The following PNPO variants were observed in gnomAD, a reference collection of about 807,000 sequenced individuals.
PNPO encodes the protein pyridoxamine 5'-phosphate oxidase.
A neutral mutation model predicts 35.0 loss-of-function variants in PNPO; 39 were observed. The observed-to-expected ratio is 1.11, with a 90% confidence interval of 0.86 to 1.45. PNPO has a LOEUF of 1.45. Ranked by LOEUF, PNPO falls within the 40% of genes most tolerant of loss-of-function variation. PNPO has a pLI of 0.00. For synonymous variants in PNPO, 115 were observed against 119.8 expected (o/e 0.96, Z 0.26); for missense variants, 288 against 340.0 (o/e 0.85, Z 1.20).
In PNPO at chr17:47,946,915, C is replaced by T; in HGVS notation, c.*133C>T. The stretch of plus-strand genomic sequence containing the variant: ...CCCTTATCTTCAGGACTCTTCAGAG[C>T]TAATCCTCTAAGTTCTCTGTACTCA... On this transcript the variant is annotated 3_prime_UTR_variant, in exon 7 of 7. Transcript: ENST00000642017. The T allele has an allele frequency of 1.3e-6, 1 of 766,234 alleles. No homozygotes were observed. Among genetic ancestry groups the T allele is most frequent in the Non-Finnish European group, 2.2e-6 (1 of 458,274 alleles). The allele number at this position is 766,234 out of a possible 1,614,324, so 47.5% of individuals were successfully genotyped here.
rs773450573 is a variant in PNPO, at chr17:47,946,682, G to A, written c.686G>A (p.Arg229Gln). ...WQGQTNRLHDRIVFRRGLPTG... is the reference protein window; with the variant it reads ...WQGQTNRLHDQIVFRRGLPTG... The stretch of plus-strand genomic sequence containing the variant: ...GGTCAAACCAACCGCCTGCATGACC[G>A]GATAGTCTTTCGGCGGGGCCTACCC... The change falls in exon 7 of 7, where the codon CGG (arginine) becomes CAG (glutamine). Residue 229 changes from arginine to glutamine, a missense_variant. Arg to Gln is a conservative substitution (Grantham distance 43, BLOSUM62 1). Coordinates refer to ENST00000642017, the MANE Select transcript of PNPO (RefSeq NM_018129.4). 1.6e-5 allele frequency: 26 copies of A among 1,614,078 alleles called. No individual in the cohort carries two copies. The highest frequency in any genetic ancestry group is 1.6e-4 in the Middle Eastern group (1 of 6,084).
Position 47,944,698 on chromosome 17 carries a change from C to G in PNPO, c.346C>G (p.Arg116Gly). The G allele has an allele frequency of 1.2e-6, 2 of 1,613,876 alleles. No homozygotes were observed. Among genetic ancestry groups the G allele is most frequent in the Non-Finnish European group, 8.5e-7 (1 of 1,179,794 alleles). The part of the protein sequence containing the change: ...GFRFFTNFES[R>G]KGKELDSNPF... Reference sequence around the variant, plus strand: ...CCGCTTCTTCACTAACTTCGAGAGTCGAAAAGGAAAAGAGCTGGTGGGTGA... The same window carrying G: ...CCGCTTCTTCACTAACTTCGAGAGTGGAAAAGGAAAAGAGCTGGTGGGTGA... The change falls in exon 3 of 7, where the codon CGA (arginine) becomes GGA (glycine). Residue 116 changes from arginine (R) to glycine (G), a missense_variant. By Grantham distance (125) the Arg-to-Gly change is moderately radical (BLOSUM62 -2). Coordinates refer to ENST00000642017, the MANE Select transcript of PNPO (RefSeq NM_018129.4).
At chr17:47,946,029 C>T (rs201956072) in intron 5 of PNPO, 40 bp downstream of exon 5, 1 of 1,610,496 alleles carries the variant, frequency 6.2e-7, no homozygotes, top group East Asian at 2.2e-5. Flanking sequence ...GTGGTGGAGG[C>T]TTTGGCTTAT....
In PNPO at chr17:47,945,035, CTTTT is replaced by C. The variant is rs2035990310; in HGVS notation, c.363+323_363+326del. 1 of 435,408 alleles carries C rather than the reference CTTTT, an allele frequency of 2.3e-6. No homozygotes were observed. The highest frequency in any genetic ancestry group is 3.5e-5 in the Admixed American group (1 of 28,672). The allele number at this position is 435,408 out of a possible 1,614,324, so 27.0% of individuals were successfully genotyped here. A position where few individuals can be genotyped will look rare whatever the true frequency, so the allele number is the denominator to read the frequency against. ...TGCTGCCATTATAACTTGCAACTTT[CTTTT>C]TTGTCTTCTTCTTCAGTTTGTAACT... is the stretch of plus-strand genomic sequence containing the variant. On this transcript the variant is annotated intron_variant, in intron 3 of 6. Coordinates refer to ENST00000642017, the MANE Select transcript of PNPO (RefSeq NM_018129.4). This position sits in a 1 kb window ranked among gnomAD's most constrained non-coding sequence, Gnocchi z 4.0.
Position 47,945,643 on chromosome 17 carries a change from T to A in PNPO, c.417+31T>A. On this transcript the variant is annotated intron_variant, in intron 4 of 6. Transcript: ENST00000642017. The surrounding 1 kb of genome is among the most constrained non-coding windows in gnomAD (Gnocchi z 4.0). The stretch of plus-strand genomic sequence containing the variant: ...TGAATTTTCCCAGGACAGCCTGGGA[T>A]GGGCTGGGTTGGCAGGGCCTGAGTT... The A allele has an allele frequency of 6.3e-7, 1 of 1,576,134 alleles. No homozygotes were observed. Among genetic ancestry groups the A allele is most frequent in the Middle Eastern group, 1.7e-4 (1 of 5,994 alleles).
chr17:47,947,239 T>C lies in PNPO; in HGVS notation c.*457T>C, dbSNP rs1796680410. On this transcript the variant is annotated 3_prime_UTR_variant, in exon 7 of 7. Transcript: ENST00000642017. ...ATTTGAACTGGAGAGATCCAGAACCTTGGGAGTCATTAAAGCCAAGTCATT... is the reference window on the plus strand; with the variant it reads ...ATTTGAACTGGAGAGATCCAGAACCCTGGGAGTCATTAAAGCCAAGTCATT... 1 of 174,126 alleles carries C rather than the reference T, an allele frequency of 5.7e-6. No homozygotes were observed. The highest frequency in any genetic ancestry group is 2.4e-5 in the African/African-American group (1 of 41,984). 10.8% of individuals were successfully genotyped at this position (174,126 alleles called of 1,614,324 possible).
In PNPO at chr17:47,941,818, CG is replaced by C; in HGVS notation, c.138+6del. 1 of 1,563,484 alleles carries C rather than the reference CG, an allele frequency of 6.4e-7. No homozygotes were observed. On this transcript the variant is annotated splice_donor_region_variant and intron_variant, in intron 1 of 6. Coordinates refer to ENST00000642017, the MANE Select transcript of PNPO (RefSeq NM_018129.4). ...AGTTACCGCGGGGACCGAGAGGTGC[CG>C]CCGCTAGGGCCAGGCCTCCTGCAGG...
At position 47,945,599 on chromosome 17, in the gene PNPO, C is replaced by A. The variant is rs1567713616; in HGVS notation, c.404C>A (p.Pro135Gln). The A allele has an allele frequency of 1.2e-6, 2 of 1,613,256 alleles. No individual in the cohort carries two copies. Among genetic ancestry groups the A allele is most frequent in the East Asian group, 4.5e-5 (2 of 44,874 alleles). ...GCTTCCCTTGTCTTCTACTGGGAGCCACTTAACCGTCAGGTGAGTGAATTT... is the reference window on the plus strand; with the variant it reads ...GCTTCCCTTGTCTTCTACTGGGAGCAACTTAACCGTCAGGTGAGTGAATTT... Reference protein sequence around the residue: ...PFASLVFYWEPLNRQVRVEGP... With the variant: ...PFASLVFYWEQLNRQVRVEGP... Residue 135 changes from proline (P) to glutamine (Q), a missense_variant, in exon 4 of 7, where the codon CCA becomes CAA. Transcript: ENST00000642017. This position sits in a 1 kb window ranked among gnomAD's most constrained non-coding sequence, Gnocchi z 4.0.
chr17:47,944,533 G>T, intron 2 of PNPO, 83 bp from the exon 3 acceptor site: 1 of 1,059,564 alleles, frequency 9.4e-7, no homozygotes, highest in South Asian at 1.3e-5. Flanking sequence ...TGGAGGGGGT[G>T]CTGAGACATC....
At chr17:47,943,912 A>C (rs1231844680) in intron 2 of PNPO, among the ~76,000 whole-genome samples, 1 of 152,216 alleles carries the variant, frequency 6.6e-6, no homozygotes, top group Non-Finnish European at 1.5e-5. Context: ...GCGAGTGGAT[A>C]TCTCCCAGAG....
rs7219707 is a variant in PNPO, at chr17:47,947,393, C to T, written c.*611C>T. 0.019 allele frequency: 2,869 copies of T among 151,854 alleles called. 94 individuals carry two copies. Among genetic ancestry groups the T allele is most frequent in the African/African-American group, 0.064 (2,648 of 41,124 alleles). The allele number at this position is 151,854 out of a possible 1,614,324, so 9.4% of individuals were successfully genotyped here. On this transcript the variant is annotated 3_prime_UTR_variant, in exon 7 of 7. Coordinates refer to ENST00000642017, the MANE Select transcript of PNPO (RefSeq NM_018129.4). ...TGCAGTTCCTCCCCCTGCCTTAAAA[C>T]ACCCCACTATCTCTGTAAAGTCTCT...
At position 47,941,587 on chromosome 17, in the gene PNPO, G is replaced by A. The variant is rs2035933915; in HGVS notation, c.-89G>A. 1 of 1,420,312 alleles carries A rather than the reference G, an allele frequency of 7.0e-7. No homozygotes were observed. The highest frequency in any genetic ancestry group is 9.3e-7 in the Non-Finnish European group (1 of 1,079,546). 88.0% of individuals were successfully genotyped at this position (1,420,312 alleles called of 1,614,324 possible). A position where few individuals can be genotyped will look rare whatever the true frequency, so the allele number is the denominator to read the frequency against. ...GCGACTGGCAAATCCTTCCTTCCCC[G>A]GGGTAGAAGTCCAGGGTGAGAAATT... On this transcript the variant is annotated 5_prime_UTR_variant, in exon 1 of 7. Coordinates refer to ENST00000642017, the MANE Select transcript of PNPO (RefSeq NM_018129.4).
Position 47,946,783 on chromosome 17 carries a change from C to A in PNPO, c.*1C>A. ...GCTCTATGAGAGACTTGCACCTTAA[C>A]TCTGGGACCTGCTGGCCCAGAGTGG... is the stretch of plus-strand genomic sequence containing the variant. On this transcript the variant is annotated 3_prime_UTR_variant, in exon 7 of 7. Transcript: ENST00000642017. 5 of 1,613,954 alleles carry A rather than the reference C, an allele frequency of 3.1e-6. No individual in the cohort carries two copies. Among genetic ancestry groups the A allele is most frequent in the Non-Finnish European group, 3.4e-6 (4 of 1,179,944 alleles).
Position 47,946,313 on chromosome 17 carries a change from C to G in PNPO, c.547-10C>G. 2 of 1,603,798 alleles carry G rather than the reference C, an allele frequency of 1.2e-6. No homozygotes were observed. The highest frequency in any genetic ancestry group is 1.7e-6 in the Non-Finnish European group (2 of 1,170,664). On this transcript the variant is annotated splice_polypyrimidine_tract_variant and intron_variant, in intron 5 of 6. Transcript: ENST00000642017. ...GCCTGGCCCTTCTTCTAACTCTTCC[C>G]CCTGGACAGTATCTGAGAAAGAAAA...
Position 47,946,340 on chromosome 17 carries a change from T to C in PNPO, c.564T>C (p.Asn188=). 1.2e-6 allele frequency: 2 copies of C among 1,613,134 alleles called. No individual in the cohort carries two copies. The highest frequency in any genetic ancestry group is 8.5e-7 in the Non-Finnish European group (1 of 1,179,210). ...IPDREYLRKK[N]EELEQLYQDQ... The stretch of plus-strand genomic sequence containing the variant: ...CTGGACAGTATCTGAGAAAGAAAAA[T>C]GAGGAACTGGAACAGCTCTACCAGG... The change falls in exon 6 of 7, where the codon AAT becomes AAC. Residue 188 remains asparagine (N), a synonymous_variant. Transcript: ENST00000642017.
chr17:47,943,768 C>A (rs1176610792), intron 2 of PNPO, among the ~76,000 whole-genome samples: 1 of 152,226 alleles, frequency 6.6e-6, no homozygotes, highest in Non-Finnish European at 1.5e-5. Flanking sequence ...GTCTCTCTCT[C>A]GAAATCTAGC....
intron 1 of PNPO, chr17:47,942,059 C>T: frequency 7.7e-7 from 1 of 1,292,964 alleles, no homozygotes; most frequent in Non-Finnish European, 9.8e-7. Flanking sequence ...TGGGTAAGAG[C>T]TCGAACTTTG....
Position 47,941,574 on chromosome 17 carries a change from T to C in PNPO, c.-102T>C. ...TTAGCTTGGTTGGGCGACTGGCAAA[T>C]CCTTCCTTCCCCGGGGTAGAAGTCC... On this transcript the variant is annotated 5_prime_UTR_variant, in exon 1 of 7. Transcript: ENST00000642017. 7.1e-7 allele frequency: 1 copy of C among 1,414,014 alleles called. No individual in the cohort carries two copies. Among genetic ancestry groups the C allele is most frequent in the Non-Finnish European group, 9.3e-7 (1 of 1,076,404 alleles). 87.6% of individuals were successfully genotyped at this position (1,414,014 alleles called of 1,614,324 possible). A position where few individuals can be genotyped will look rare whatever the true frequency, so the allele number is the denominator to read the frequency against.
chr17:47,946,860 T>C lies in PNPO; in HGVS notation c.*78T>C. ...TGTGGGATTGGGACCCAGGCCCTTC[T>C]TTCTAAACTCAACCCATTTCCCTCC... On this transcript the variant is annotated 3_prime_UTR_variant, in exon 7 of 7. Coordinates refer to ENST00000642017, the MANE Select transcript of PNPO (RefSeq NM_018129.4). The C allele has an allele frequency of 7.2e-7, 1 of 1,380,052 alleles. No individual in the cohort carries two copies. The highest frequency in any genetic ancestry group is 1.2e-5 in the South Asian group (1 of 86,252). 85.5% of individuals were successfully genotyped at this position (1,380,052 alleles called of 1,614,324 possible). A position where few individuals can be genotyped will look rare whatever the true frequency, so the allele number is the denominator to read the frequency against.
Sources: allele counts gnomAD v4.1 joint callset (sites outside exome capture counted in the v4.1 genomes callset), GRCh38; gene constraint gnomAD v4.1.1; non-coding constraint Gnocchi (gnomAD v3.1); transcripts MANE v1.5; gene names NCBI Gene and HGNC (gene_info 2026-07-23, HGNC 2026-07-21).